Variants in PVT1 observed in about 807,000 individuals in gnomAD.
PVT1 encodes Pvt1 oncogene.
intron 2 of PVT1, among the ~76,000 whole-genome samples, chr8:127,844,692 G>GT (rs1280952015): frequency 0.016 from 2,295 of 146,840 alleles, 54 homozygotes; most frequent in African/African-American, 0.053. Flanking sequence ...ATGGAGGTGT[G>GT]TTTTTTTTTT....
chr8:127,809,052 AAAAG>A (rs60195842), intron 2 of PVT1, among the ~76,000 whole-genome samples: 45 of 135,074 alleles, frequency 3.3e-4, no homozygotes, highest in South Asian at 4.6e-4. Flanking sequence ...AAAAAAAAAA[AAAAG>A]AAAGAAAAAA....
intron 4 of PVT1, among the ~76,000 whole-genome samples, chr8:127,999,608 C>T (rs1037179066): frequency 3.9e-5 from 6 of 152,078 alleles, no homozygotes; most frequent in Admixed American, 6.6e-5. Context: ...ATTACAGGTG[C>T]ACACCACCAC....
In PVT1 at chr8:127,933,904, C is replaced by A. The variant is rs115405390; in HGVS notation, n.782+42906C>A. Among the ~76,000 whole-genome samples, 1,150 of 152,330 alleles carry A rather than the reference C, an allele frequency of 7.5e-3. 15 individuals carry two copies. The highest frequency in any genetic ancestry group is 0.025 in the African/African-American group (1,031 of 41,572). On this transcript the variant is annotated intron_variant and non_coding_transcript_variant, in intron 3 of 10. Transcript: ENST00000651587. ...GAAATGGGAATTATTGTTTGAGCCTCTAAAGTGAGACAGTCAAATGAGATG... is the reference window on the plus strand; with the variant it reads ...GAAATGGGAATTATTGTTTGAGCCTATAAAGTGAGACAGTCAAATGAGATG...
At chr8:127,833,821 T>C (rs1224900846) in intron 2 of PVT1, among the ~76,000 whole-genome samples, 1 of 152,180 alleles carries the variant, frequency 6.6e-6, no homozygotes, top group Non-Finnish European at 1.5e-5. Flanking sequence ...GGGGACACCA[T>C]TGTTTTCTAG....
chr8:128,002,678 T>C (rs573932860), intron 4 of PVT1, among the ~76,000 whole-genome samples: 4 of 152,270 alleles, frequency 2.6e-5, no homozygotes, highest in South Asian at 2.1e-4. Context: ...TGTGTCCAAA[T>C]TTCCCTTTTC....
intron 2 of PVT1, among the ~76,000 whole-genome samples, chr8:127,823,120 A>G (rs913757353): frequency 2.0e-5 from 3 of 152,230 alleles, no homozygotes; most frequent in African/African-American, 7.2e-5. Flanking sequence ...AGTGGCACGT[A>G]TGCTATGATC....
chr8:127,987,063 G>C (rs984072702), intron 3 of PVT1, among the ~76,000 whole-genome samples: 3 of 152,160 alleles, frequency 2.0e-5, no homozygotes, highest in Non-Finnish European at 4.4e-5. Flanking sequence ...TTCCACATCT[G>C]TAAAATGGGA....
At chr8:127,975,247 T>C (rs1816810835) in intron 3 of PVT1, among the ~76,000 whole-genome samples, 1 of 152,224 alleles carries the variant, frequency 6.6e-6, no homozygotes, top group African/African-American at 2.4e-5. Context: ...TACTTTCAAA[T>C]AAGGTTGTTT....
rs71300279 is a variant in PVT1 at position 127,921,854 on chromosome 8, G to GTTTTTTTTTTTTTTTTTTT, written n.782+30862_782+30880dup. Reference sequence around the variant, plus strand: ...AAAAAAATTATAATTTTTGGTTCATGTTTTTTTTTTTTTTTTTTTTTTTTG... The same window carrying GTTTTTTTTTTTTTTTTTTT: ...AAAAAAATTATAATTTTTGGTTCATGTTTTTTTTTTTTTTTTTTTTTTTTTTTTTTTTTTTTTTTTTTTG... On this transcript the variant is annotated intron_variant and non_coding_transcript_variant, in intron 3 of 10. Coordinates refer to ENST00000651587, the Ensembl canonical transcript of PVT1. 3.1e-4 allele frequency among the ~76,000 whole-genome samples: 22 copies of GTTTTTTTTTTTTTTTTTTT among 71,924 alleles called. 2 individuals are homozygous for GTTTTTTTTTTTTTTTTTTT. The highest frequency in any genetic ancestry group is 1.5e-3 in the East Asian group (3 of 1,968). 47.2% of individuals were successfully genotyped at this position (71,924 alleles called of 152,430 possible). A position where few individuals can be genotyped will look rare whatever the true frequency, so the allele number is the denominator to read the frequency against.
intron 4 of PVT1, among the ~76,000 whole-genome samples, chr8:128,050,564 T>A (rs1309023430): frequency 6.6e-6 from 1 of 152,136 alleles, no homozygotes; most frequent in Non-Finnish European, 1.5e-5. Flanking sequence ...CATTGTTTTT[T>A]CTCCCTTGGA....
At chr8:127,862,732 G>A (rs1815241674) in intron 2 of PVT1, among the ~76,000 whole-genome samples, 1 of 152,196 alleles carries the variant, frequency 6.6e-6, no homozygotes, top group Non-Finnish European at 1.5e-5. Flanking sequence ...AACATGAGGG[G>A]AACTATCTTG....
At chr8:127,867,678 A>AT (rs1225477294) in intron 2 of PVT1, among the ~76,000 whole-genome samples, 4 of 150,544 alleles carry the variant, frequency 2.7e-5, no homozygotes, top group African/African-American at 9.7e-5. Context: ...GTGCAGTCTC[A>AT]TTTTTTATGC....
chr8:128,037,224 G>A (rs928980944), intron 4 of PVT1, among the ~76,000 whole-genome samples: 2 of 152,238 alleles, frequency 1.3e-5, no homozygotes, highest in African/African-American at 4.8e-5. Flanking sequence ...GAGCCACTGG[G>A]TCCATTTTAC....
At chr8:127,858,805 C>CTTT (rs35886687) in intron 2 of PVT1, among the ~76,000 whole-genome samples, 6,447 of 47,244 alleles carry the variant, frequency 0.14, 2,231 homozygotes, top group Non-Finnish European at 0.19. Context: ...CTTGAAGATT[C>CTTT]TTTTTTTTTT....
In PVT1 at chr8:127,970,301, T is replaced by TTTG. The variant is rs773792813; in HGVS notation, n.783-18859_783-18858insGTT. The stretch of plus-strand genomic sequence containing the variant: ...TCTGCCATGATTTGTTTTTTTTTTT[T>TTTG]TTTTTTTTTTTTTTGAGATAGAGTC... On this transcript the variant is annotated intron_variant and non_coding_transcript_variant, in intron 3 of 10. Transcript: ENST00000651587. Among the ~76,000 whole-genome samples, 51 of 124,346 alleles carry TTTG rather than the reference T, an allele frequency of 4.1e-4. 3 individuals carry two copies. The highest frequency in any genetic ancestry group is 1.5e-3 in the African/African-American group (49 of 33,564). 81.6% of individuals were successfully genotyped at this position (124,346 alleles called of 152,430 possible).
At chr8:128,047,317 G>A (rs72720891) in intron 4 of PVT1, among the ~76,000 whole-genome samples, 5,942 of 152,282 alleles carry the variant, frequency 0.039, 154 homozygotes, top group African/African-American at 0.062. Flanking sequence ...GCTAAGTTCC[G>A]CTTGATTCTG....
chr8:128,023,947 C>A (rs1563668450), intron 4 of PVT1, among the ~76,000 whole-genome samples: 2 of 152,322 alleles, frequency 1.3e-5, no homozygotes, highest in East Asian at 1.9e-4. Context: ...CCAGGCACTT[C>A]TTATCTATTC....
At chr8:127,847,707 A>G (rs1815051826) in intron 2 of PVT1, among the ~76,000 whole-genome samples, 1 of 152,184 alleles carries the variant, frequency 6.6e-6, no homozygotes. Flanking sequence ...CAAAAAGCAC[A>G]ATGTGGAGCG....
chr8:127,959,462 A>G (rs1816611527), intron 3 of PVT1, among the ~76,000 whole-genome samples: 1 of 151,950 alleles, frequency 6.6e-6, no homozygotes, highest in Non-Finnish European at 1.5e-5. Context: ...GCACGTGCCT[A>G]TAGTCCCAGC....
Sources: gnomAD v4.1 joint callset for allele counts (sites outside exome capture counted in the v4.1 genomes callset) on GRCh38, gnomAD v4.1.1 for gene constraint, MANE v1.5 for transcripts, NCBI Gene and HGNC (gene_info 2026-07-23, HGNC 2026-07-21) for gene names.